FERRY3: variants seen among roughly 807,000 people sequenced by gnomAD.
FERRY3 encodes the protein protein C12orf4.
At chr12:4,507,310 G>T in the FERRY3 span, among the ~76,000 whole-genome samples, 1 of 152,250 alleles carries the variant, frequency 6.6e-6, no homozygotes, top group East Asian at 1.9e-4. Context: ...ACAATTGGTA[G>T]AAGAATAAGA....
chr12:4,503,516 AAAATT>A, the FERRY3 span, among the ~76,000 whole-genome samples: 385 of 152,340 alleles, frequency 2.5e-3, 3 homozygotes, highest in African/African-American at 8.7e-3. Context: ...TTGCAATTTA[AAAATT>A]AAATTAATTT....
chr12:4,501,762 T>C, the FERRY3 span, among the ~76,000 whole-genome samples: 1 of 152,128 alleles, frequency 6.6e-6, no homozygotes, highest in African/African-American at 2.4e-5. Flanking sequence ...AATGTAATAA[T>C]AATAGAAATA....
chr12:4,517,710 C>T, the FERRY3 span, among the ~76,000 whole-genome samples: 37 of 132,284 alleles, frequency 2.8e-4, no homozygotes, highest in African/African-American at 1.0e-3. Flanking sequence ...TATATATAGA[C>T]AGAGAGAGAG....
At chr12:4,515,852 C>T in the FERRY3 span, among the ~76,000 whole-genome samples, 1 of 152,120 alleles carries the variant, frequency 6.6e-6, no homozygotes, top group Non-Finnish European at 1.5e-5. Flanking sequence ...AATAAATATG[C>T]TAATTCGTTT....
chr12:4,491,789 A>G, the FERRY3 span, among the ~76,000 whole-genome samples: 2 of 152,228 alleles, frequency 1.3e-5, no homozygotes, highest in African/African-American at 2.4e-5. Context: ...CGCGTATGCC[A>G]TTTAAAAATC....
At chr12:4,525,268 G>T in the FERRY3 span, 1 of 1,613,302 alleles carries the variant, frequency 6.2e-7, no homozygotes, top group South Asian at 1.1e-5. Context: ...GGGAGCTGTT[G>T]TTGGGGTTTT....
the FERRY3 span, among the ~76,000 whole-genome samples, chr12:4,533,262 G>A: frequency 6.6e-6 from 1 of 152,068 alleles, no homozygotes; most frequent in Non-Finnish European, 1.5e-5. Flanking sequence ...ATCCCTTCTA[G>A]TCCTAAACTT....
At chr12:4,518,210 T>C in the FERRY3 span, 2 of 1,614,014 alleles carry the variant, frequency 1.2e-6, no homozygotes, top group Non-Finnish European at 1.7e-6. Flanking sequence ...GTCCAGCATA[T>C]CTGCTCTCAG....
chr12:4,499,950 G>A, the FERRY3 span, among the ~76,000 whole-genome samples: 4 of 152,194 alleles, frequency 2.6e-5, no homozygotes, highest in African/African-American at 9.6e-5. Flanking sequence ...ATAGCTCTCT[G>A]AACATAAATG....
chr12:4,528,933 ACACACAAAC>A, the FERRY3 span, among the ~76,000 whole-genome samples: 2 of 147,230 alleles, frequency 1.4e-5, no homozygotes, highest in African/African-American at 5.2e-5. Flanking sequence ...ACACACACAC[ACACACAAAC>A]AAAAGTGATT....
chr12:4,536,240 T>G, the FERRY3 span: 2 of 1,304,908 alleles, frequency 1.5e-6, no homozygotes, highest in Non-Finnish European at 1.0e-6. Flanking sequence ...AGCAGTAGGT[T>G]ATAAGTCCAT....
chr12:4,500,987 G>GT, the FERRY3 span, among the ~76,000 whole-genome samples: 1 of 152,138 alleles, frequency 6.6e-6, no homozygotes, highest in African/African-American at 2.4e-5. Context: ...AAGGTTACTT[G>GT]TTTTTTACGT....
At chr12:4,516,383 A>G in the FERRY3 span, among the ~76,000 whole-genome samples, 1 of 152,254 alleles carries the variant, frequency 6.6e-6, no homozygotes, top group Non-Finnish European at 1.5e-5. Flanking sequence ...CCAAAGGAAT[A>G]GAAATCATTC....
chr12:4,538,061 AG>A, the FERRY3 span, among the ~76,000 whole-genome samples: 5 of 152,222 alleles, frequency 3.3e-5, no homozygotes, highest in African/African-American at 1.2e-4. Context: ...GAAAAAAAAA[AG>A]AGAAGGCAGA....
the FERRY3 span, among the ~76,000 whole-genome samples, chr12:4,530,273 C>T: frequency 1.3e-5 from 2 of 151,786 alleles, no homozygotes; most frequent in African/African-American, 4.8e-5. Context: ...TATAAGTTAC[C>T]CGGAAGCAGA....
chr12:4,500,091 TATGATTATGTAAATCATAAAATTAC>T, the FERRY3 span: 1 of 1,530,000 alleles, frequency 6.5e-7, no homozygotes, highest in Non-Finnish European at 9.0e-7. Flanking sequence ...AAATCAATAT[TATGATTATGTAAATCATAAAATTAC>T]AGGATTTTTC....
At chr12:4,510,005 T>A in the FERRY3 span, among the ~76,000 whole-genome samples, 3 of 137,218 alleles carry the variant, frequency 2.2e-5, no homozygotes, top group African/African-American at 9.4e-5. Context: ...GAAAAAAATT[T>A]AGAAGAATGT....
the FERRY3 span, chr12:4,525,427 A>G: frequency 6.2e-7 from 1 of 1,600,782 alleles, no homozygotes. Context: ...AAACAAACAA[A>G]CAAAAAAACA....
At chr12:4,525,603 A>T in the FERRY3 span, 1 of 1,540,332 alleles carries the variant, frequency 6.5e-7, no homozygotes. Flanking sequence ...AAATAAACAA[A>T]TCAGGGATAT....
Sources: gnomAD v4.1 joint callset for allele counts (sites outside exome capture counted in the v4.1 genomes callset) on GRCh38, gnomAD v4.1.1 for gene constraint, MANE v1.5 for transcripts, NCBI Gene and HGNC (gene_info 2026-07-23, HGNC 2026-07-21) for gene names.